The following AGBL1 variants were observed in gnomAD, a reference collection of about 807,000 sequenced individuals.
The protein encoded by AGBL1 is AGBL carboxypeptidase 1, also known as cytosolic carboxypeptidase 4.
A neutral mutation model predicts 118.9 loss-of-function variants in AGBL1; 130 were observed. The ratio of observed to expected loss-of-function variants is 1.09; its 90% CI spans 0.95 to 1.26. The LOEUF (loss-of-function observed/expected upper bound fraction) is 1.26. AGBL1 is among the 50% of genes most tolerant of loss of function. The probability of loss-of-function intolerance (pLI) is 0.00; values close to 1 mark genes in which losing one functional copy is unlikely to be tolerated. For missense variants in AGBL1, 1,584 were observed against 1,298.1 expected (o/e 1.22, Z -3.38); for synonymous variants, 555 against 478.9 (o/e 1.16, Z -2.08).
chr15:86,488,565 C>A (rs1193539715), intron 18 of AGBL1, among the ~76,000 whole-genome samples: 1 of 152,040 alleles, frequency 6.6e-6, no homozygotes, highest in African/African-American at 2.4e-5. Context: ...CAATCCAGCA[C>A]CACCTGCACC....
At chr15:86,942,452 T>G (rs570800416) in intron 23 of AGBL1, among the ~76,000 whole-genome samples, 2 of 152,344 alleles carry the variant, frequency 1.3e-5, no homozygotes, top group Non-Finnish European at 2.9e-5. Context: ...TCTGAACTTG[T>G]GGCTTCTTAG....
At chr15:87,025,762 A>G (rs1596754886) in intron 24 of AGBL1, among the ~76,000 whole-genome samples, 1 of 152,214 alleles carries the variant, frequency 6.6e-6, no homozygotes, top group Admixed American at 6.6e-5. Flanking sequence ...AAACTATACT[A>G]TAAGGCCATA....
At chr15:86,959,641 ACT>A (rs916491699) in intron 23 of AGBL1, among the ~76,000 whole-genome samples, 7 of 151,384 alleles carry the variant, frequency 4.6e-5, no homozygotes, top group African/African-American at 1.7e-4. Context: ...TGGTAAATCT[ACT>A]CTGTTTTTCT....
intron 21 of AGBL1, among the ~76,000 whole-genome samples, chr15:86,581,259 AAAGG>A (rs1175454699): frequency 2.0e-5 from 3 of 152,170 alleles, no homozygotes; most frequent in African/African-American, 7.2e-5. Context: ...GAGGCAAAAG[AAAGG>A]AAGGCAAATT....
At chr15:86,992,367 G>C (rs1009277403) in intron 24 of AGBL1, among the ~76,000 whole-genome samples, 33 of 152,270 alleles carry the variant, frequency 2.2e-4, no homozygotes, top group African/African-American at 7.5e-4. Flanking sequence ...AACTATGTAA[G>C]ATACTTAGCA....
chr15:86,228,090 T>C (rs923649209), intron 6 of AGBL1, among the ~76,000 whole-genome samples: 1 of 152,224 alleles, frequency 6.6e-6, no homozygotes, highest in African/African-American at 2.4e-5. Context: ...TTATAGATGG[T>C]ACCAACATTC....
intron 4 of AGBL1, among the ~76,000 whole-genome samples, chr15:86,156,540 C>A (rs2077193371): frequency 6.6e-6 from 1 of 152,132 alleles, no homozygotes; most frequent in African/African-American, 2.4e-5. Flanking sequence ...GGAGTGGACA[C>A]AACTAGCCAT....
At chr15:86,487,022 C>T (rs1443037847) in intron 18 of AGBL1, among the ~76,000 whole-genome samples, 8 of 152,024 alleles carry the variant, frequency 5.3e-5, no homozygotes, top group South Asian at 2.1e-4. Context: ...CGGTGCCGCA[C>T]GCTCCTTGCT....
intron 22 of AGBL1, among the ~76,000 whole-genome samples, chr15:86,693,100 A>G (rs1293999861): frequency 6.6e-6 from 1 of 151,992 alleles, no homozygotes; most frequent in Non-Finnish European, 1.5e-5. Context: ...TCGTATAATG[A>G]CTTCTTTTCT....
At chr15:86,416,213 G>T in intron 18 of AGBL1, among the ~76,000 whole-genome samples, 1 of 152,150 alleles carries the variant, frequency 6.6e-6, no homozygotes, top group East Asian at 1.9e-4. Context: ...CTAAGAAGTG[G>T]ATTGTGATTT....
At chr15:86,698,131 C>A (rs1216160832) in intron 22 of AGBL1, among the ~76,000 whole-genome samples, 2 of 151,954 alleles carry the variant, frequency 1.3e-5, no homozygotes, top group East Asian at 3.9e-4. Context: ...CCCCTTCTTT[C>A]TCTTACTAAC....
chr15:86,397,651 G>A (rs1004841204), intron 18 of AGBL1, 105 bp downstream of exon 18: 1 of 1,059,464 alleles, frequency 9.4e-7, no homozygotes, highest in Admixed American at 2.4e-5. Context: ...ACTCTGTCGA[G>A]AATAAACTCT....
intron 1 of AGBL1, among the ~76,000 whole-genome samples, chr15:86,110,220 G>A (rs1897282846): frequency 1.3e-5 from 2 of 152,134 alleles, no homozygotes; most frequent in Non-Finnish European, 1.5e-5. Flanking sequence ...TTGGGGTTAG[G>A]GGCACTGACC....
chr15:86,494,989 C>T (rs1176128930), intron 18 of AGBL1, among the ~76,000 whole-genome samples: 1 of 151,268 alleles, frequency 6.6e-6, no homozygotes, highest in East Asian at 2.0e-4. Flanking sequence ...AAGATTTAAG[C>T]CCCCTTTGAA....
chr15:86,263,854 A>G (rs2079030777), intron 10 of AGBL1, among the ~76,000 whole-genome samples: 1 of 152,202 alleles, frequency 6.6e-6, no homozygotes, highest in Non-Finnish European at 1.5e-5. Flanking sequence ...TGGCTTCAGA[A>G]AGCAGAAGGA....
At chr15:86,659,095 C>T (rs1232885279) in intron 21 of AGBL1, among the ~76,000 whole-genome samples, 1 of 152,086 alleles carries the variant, frequency 6.6e-6, no homozygotes, top group Non-Finnish European at 1.5e-5. Flanking sequence ...TATTTGTCCC[C>T]CCTCCACATC....
chr15:86,109,501 C>A (rs1897238012), intron 1 of AGBL1, among the ~76,000 whole-genome samples: 1 of 152,126 alleles, frequency 6.6e-6, no homozygotes, highest in African/African-American at 2.4e-5. Context: ...TTATATAATA[C>A]CATTTTCTAT....
chr15:87,029,448 C>T (rs1264255139), downstream of AGBL1, among the ~76,000 whole-genome samples: 1 of 151,546 alleles, frequency 6.6e-6, no homozygotes, highest in Non-Finnish European at 1.5e-5. Flanking sequence ...TTATTCTTTG[C>T]ATTTTTCTTA....
At chr15:86,850,121 C>G (rs1486250162) in intron 22 of AGBL1, among the ~76,000 whole-genome samples, 4 of 152,122 alleles carry the variant, frequency 2.6e-5, no homozygotes, top group Non-Finnish European at 5.9e-5. Flanking sequence ...GATAAGAGAA[C>G]TCTGTTCAGC....
Sources: allele counts gnomAD v4.1 joint callset (sites outside exome capture counted in the v4.1 genomes callset), GRCh38; gene constraint gnomAD v4.1.1; transcripts MANE v1.5; gene names NCBI Gene and HGNC (gene_info 2026-07-23, HGNC 2026-07-21).